The following SEMA4D variants were observed in gnomAD, a reference collection of about 807,000 sequenced individuals.
The protein encoded by SEMA4D is semaphorin 4D.
In SEMA4D, 22 loss-of-function variants were observed where a neutral mutation model predicts 74.8. The ratio of observed to expected loss-of-function variants is 0.29; its 90% CI spans 0.21 to 0.42. The LOEUF is 0.42. SEMA4D is among the 10% of genes least tolerant of loss of function. The probability of loss-of-function intolerance (pLI) is 1.00; values close to 1 mark genes in which losing one functional copy is unlikely to be tolerated. For synonymous variants in SEMA4D, 445 were observed against 463.7 expected (o/e 0.96, Z 0.52); for missense variants, 937 against 1,118.4 (o/e 0.84, Z 2.31).
chr9:89,431,215 G>A (rs1413308323), intron 2 of SEMA4D, among the ~76,000 whole-genome samples: 1 of 152,152 alleles, frequency 6.6e-6, no homozygotes, highest in African/African-American at 2.4e-5. Context: ...TGACTGGCAC[G>A]TTCCAAGCTC....
downstream of SEMA4D, chr9:89,376,871 T>C: frequency 1.3e-6 from 2 of 1,550,680 alleles, no homozygotes; most frequent in Non-Finnish European, 1.7e-6. Flanking sequence ...CCCCAGGGCG[T>C]GCACGTGCTG....
chr9:89,450,660 G>GGAAAAAAAAA lies in SEMA4D; in HGVS notation c.-244+5227_-244+5228insTTTTTTTTTC, dbSNP rs1491451024. 9.1e-4 allele frequency: 393 copies of GGAAAAAAAAA among 430,276 alleles called. 36 individuals are homozygous for GGAAAAAAAAA. Among genetic ancestry groups the GGAAAAAAAAA allele is most frequent in the African/African-American group, 1.2e-3 (22 of 18,134 alleles). The allele number at this position is 430,276 out of a possible 1,614,324, so 26.7% of individuals were successfully genotyped here. A position where few individuals can be genotyped will look rare whatever the true frequency, so the allele number is the denominator to read the frequency against. On this transcript the variant is annotated intron_variant, in intron 2 of 15. Transcript: ENST00000422704. ...GAGTTCTGCAAGTCGAAAAACCCAGGAAAAAAAAAAAAAAAAAAAAAAAAA... is the reference window on the plus strand; with the variant it reads ...GAGTTCTGCAAGTCGAAAAACCCAGGGAAAAAAAAAAAAAAAAAAAAAAAAAAAAAAAAAA...
chr9:89,431,508 G>GT (rs980033605), intron 2 of SEMA4D, among the ~76,000 whole-genome samples: 2 of 152,056 alleles, frequency 1.3e-5, no homozygotes, highest in Non-Finnish European at 2.9e-5. Context: ...ATTCTCTTTT[G>GT]TTTTTTGGAG....
intron 1 of SEMA4D, among the ~76,000 whole-genome samples, chr9:89,462,253 C>T (rs1275025060): frequency 6.6e-6 from 1 of 152,198 alleles, no homozygotes; most frequent in African/African-American, 2.4e-5. Flanking sequence ...CTTGATTTCT[C>T]ACAGGTATAG....
chr9:89,412,123 C>T (rs535122389), intron 2 of SEMA4D, among the ~76,000 whole-genome samples: 1 of 152,038 alleles, frequency 6.6e-6, no homozygotes, highest in Non-Finnish European at 1.5e-5. Flanking sequence ...TAGCACTTGG[C>T]CTAAGGACCT....
At position 89,455,558 on chromosome 9, in the gene SEMA4D, G is replaced by A. The variant is rs371874158; in HGVS notation, c.-244+330C>T. On this transcript the variant is annotated intron_variant, in intron 2 of 15. Transcript: ENST00000422704. Reference sequence around the variant, plus strand: ...CAACTGGGGCCCTTCCCTTCCTGCCGGGGAAGCTGGTGCTGAGGCTGGGTA... The same window carrying A: ...CAACTGGGGCCCTTCCCTTCCTGCCAGGGAAGCTGGTGCTGAGGCTGGGTA... Among the ~76,000 whole-genome samples, 113 of 152,286 alleles carry A rather than the reference G, an allele frequency of 7.4e-4. No individual in the cohort carries two copies. In the East Asian group the frequency reaches 0.013, roughly 17 times the overall value.
chr9:89,440,793 C>T (rs1015735308), intron 2 of SEMA4D, among the ~76,000 whole-genome samples: 2 of 152,174 alleles, frequency 1.3e-5, no homozygotes, highest in Non-Finnish European at 2.9e-5. Context: ...CATGTGCTTG[C>T]GTGTGTGTGA....
chr9:89,483,365 C>A (rs991316641), intron 1 of SEMA4D, among the ~76,000 whole-genome samples: 1 of 152,198 alleles, frequency 6.6e-6, no homozygotes, highest in Admixed American at 6.5e-5. Context: ...CTCAGGCTTG[C>A]GGTCCAACAC....
At chr9:89,373,658 C>T (rs1835414333), downstream of SEMA4D, among the ~76,000 whole-genome samples, 2 of 152,212 alleles carry the variant, frequency 1.3e-5, no homozygotes, top group African/African-American at 4.8e-5. Context: ...GTGACAGCTA[C>T]CACGAAAACA....
intron 1 of SEMA4D, among the ~76,000 whole-genome samples, chr9:89,488,535 G>C (rs923489191): frequency 9.2e-5 from 14 of 151,692 alleles, no homozygotes; most frequent in Non-Finnish European, 1.5e-4. Flanking sequence ...ATCACATCCG[G>C]CTAATTTTTG....
chr9:89,366,916 A>AAG (rs1833761484), intron 16 of SEMA4D, among the ~76,000 whole-genome samples: 1 of 152,138 alleles, frequency 6.6e-6, no homozygotes, highest in African/African-American at 2.4e-5. Flanking sequence ...CCTTGAGACT[A>AAG]AGAATCTGGG....
chr9:89,363,086 C>G (rs893961381), intron 18 of SEMA4D, among the ~76,000 whole-genome samples: 1 of 152,184 alleles, frequency 6.6e-6, no homozygotes, highest in African/African-American at 2.4e-5. Flanking sequence ...GTTTCCTGCC[C>G]TCCTCAAAGG....
intron 3 of SEMA4D, 117 bp from the exon 4 acceptor site, chr9:89,403,133 G>C: frequency 8.1e-7 from 1 of 1,227,792 alleles, no homozygotes; most frequent in Non-Finnish European, 1.1e-6. Flanking sequence ...TCTGGGTGCA[G>C]TCATGTCTCG....
chr9:89,445,618 G>C (rs182001391), intron 2 of SEMA4D, among the ~76,000 whole-genome samples: 17 of 152,290 alleles, frequency 1.1e-4, no homozygotes, highest in Middle Eastern at 6.8e-3. Context: ...CAGGGAGAGA[G>C]AGAGATTTAT....
At chr9:89,405,030 C>T (rs111857142) in intron 3 of SEMA4D, among the ~76,000 whole-genome samples, 5 of 138,018 alleles carry the variant, frequency 3.6e-5, no homozygotes. Flanking sequence ...CCCATCCCAT[C>T]CTCAGCCACC....
At chr9:89,426,299 C>T (rs1029255549) in intron 2 of SEMA4D, among the ~76,000 whole-genome samples, 1 of 152,236 alleles carries the variant, frequency 6.6e-6, no homozygotes, top group Admixed American at 6.5e-5. Context: ...CTCAAAACCA[C>T]AAAATGCCAC....
chr9:89,423,844 A>T (rs1236705037), intron 2 of SEMA4D, among the ~76,000 whole-genome samples: 1 of 58,406 alleles, frequency 1.7e-5, no homozygotes, highest in Non-Finnish European at 3.3e-5. Context: ...CTACTCCCTC[A>T]GCACCTCCAC....
intron 1 of SEMA4D, among the ~76,000 whole-genome samples, chr9:89,462,965 C>T (rs1159701702): frequency 3.7e-5 from 1 of 26,750 alleles, no homozygotes; most frequent in Non-Finnish European, 9.0e-5. Context: ...GGGGAGCGAG[C>T]GAGGGGAGGG....
chr9:89,450,200 A>C (rs534852772), intron 2 of SEMA4D: 1 of 1,290,378 alleles, frequency 7.7e-7, no homozygotes, highest in African/African-American at 1.5e-5. Context: ...AGGACCATGA[A>C]AAAGCTGAAT....
Sources: gnomAD v4.1 joint callset for allele counts (sites outside exome capture counted in the v4.1 genomes callset) on GRCh38, gnomAD v4.1.1 for gene constraint, MANE v1.5 for transcripts, NCBI Gene and HGNC (gene_info 2026-07-23, HGNC 2026-07-21) for gene names.